SLC24A3: variants seen among roughly 807,000 people sequenced by gnomAD.
SLC24A3 encodes solute carrier family 24 member 3, also known as sodium/potassium/calcium exchanger 3.
SLC24A3 carries 28 observed loss-of-function variants against 75.8 expected under a neutral mutation model. The observed-to-expected ratio is 0.37, with a 90% CI of 0.27 to 0.51. The LOEUF is 0.51. SLC24A3 is among the 20% of genes least tolerant of loss of function. SLC24A3 has a pLI of 0.94. For missense variants in SLC24A3, 663 were observed against 847.8 expected (o/e 0.78, Z 2.71); for synonymous variants, 372 against 334.1 (o/e 1.11, Z -1.24).
intron 2 of SLC24A3, among the ~76,000 whole-genome samples, chr20:19,301,450 A>G (rs73284646): frequency 0.021 from 3,192 of 152,214 alleles, 45 homozygotes; most frequent in African/African-American, 0.034. Context: ...TTTCCTTTGT[A>G]GCATCACCAC....
Position 19,711,293 on chromosome 20 carries a change from G to A in SLC24A3, c.1720-6235G>A, listed in dbSNP as rs573467646. On this transcript the variant is annotated intron_variant, in intron 15 of 16. Transcript: ENST00000328041. Reference sequence around the variant, plus strand: ...CATGCAAACATATGCATGCAAACACGCACACACATGCACACATACAAACGC... The same window carrying A: ...CATGCAAACATATGCATGCAAACACACACACACATGCACACATACAAACGC... Among the ~76,000 whole-genome samples the A allele has an allele frequency of 7.0e-4, 26 of 37,148 alleles. 1 individual carries two copies. The highest frequency in any genetic ancestry group is 5.8e-3 in the South Asian group (4 of 684). The allele number at this position is 37,148 out of a possible 152,430, so 24.4% of individuals were successfully genotyped here. A position where few individuals can be genotyped will look rare whatever the true frequency, so the allele number is the denominator to read the frequency against.
intron 3 of SLC24A3, among the ~76,000 whole-genome samples, chr20:19,537,287 C>G (rs2122582933): frequency 6.6e-6 from 1 of 152,342 alleles, no homozygotes; most frequent in South Asian, 2.1e-4. Context: ...TGCTCATCAT[C>G]ACCGGCCATC....
intron 1 of SLC24A3, among the ~76,000 whole-genome samples, chr20:19,279,851 G>T (rs946752159): frequency 6.6e-6 from 1 of 152,368 alleles, no homozygotes; most frequent in Non-Finnish European, 1.5e-5. Flanking sequence ...GAAGGTGCTA[G>T]AAGCTGCACT....
At chr20:19,642,316 T>C (rs11696909) in intron 6 of SLC24A3, among the ~76,000 whole-genome samples, 7,934 of 152,360 alleles carry the variant, frequency 0.052, 254 homozygotes, top group Non-Finnish European at 0.065. Context: ...AATCTTTTCA[T>C]TCCGAAATCT....
intron 2 of SLC24A3, among the ~76,000 whole-genome samples, chr20:19,363,766 A>G (rs1198962200): frequency 6.6e-6 from 1 of 152,248 alleles, no homozygotes; most frequent in African/African-American, 2.4e-5. Context: ...TGTTTTAAAA[A>G]AGCAAAGGAT....
chr20:19,359,362 G>A (rs1015281477), intron 2 of SLC24A3, among the ~76,000 whole-genome samples: 5 of 152,102 alleles, frequency 3.3e-5, no homozygotes, highest in Non-Finnish European at 7.4e-5. Context: ...TATTTCCTAT[G>A]AATGGCCTGT....
chr20:19,381,346 C>T (rs1041373497), intron 2 of SLC24A3, among the ~76,000 whole-genome samples: 7 of 151,882 alleles, frequency 4.6e-5, no homozygotes, highest in African/African-American at 7.3e-5. Context: ...GTCTGGCAGA[C>T]GGTAATAAGA....
intron 1 of SLC24A3, among the ~76,000 whole-genome samples, chr20:19,214,516 G>T (rs1981500053): frequency 6.6e-6 from 1 of 152,092 alleles, no homozygotes; most frequent in Admixed American, 6.5e-5. Context: ...TTACACGCTG[G>T]CCATTTTTTT....
At chr20:19,445,962 C>T (rs183960846) in intron 2 of SLC24A3, among the ~76,000 whole-genome samples, 11 of 152,280 alleles carry the variant, frequency 7.2e-5, no homozygotes, top group Admixed American at 4.6e-4. Flanking sequence ...TACCAGGTAC[C>T]GGCATCTCAT....
At chr20:19,661,648 C>T (rs1259853684) in intron 7 of SLC24A3, among the ~76,000 whole-genome samples, 1 of 152,160 alleles carries the variant, frequency 6.6e-6, no homozygotes, top group East Asian at 1.9e-4. Flanking sequence ...CTCATGGTGC[C>T]AGTGATTACA....
chr20:19,524,183 C>T (rs954115400), intron 3 of SLC24A3, among the ~76,000 whole-genome samples: 1 of 152,162 alleles, frequency 6.6e-6, no homozygotes, highest in Non-Finnish European at 1.5e-5. Context: ...GACTCACTTC[C>T]CTGCTCCTCT....
At chr20:19,672,682 G>A (rs1411158045) in intron 8 of SLC24A3, among the ~76,000 whole-genome samples, 3 of 152,146 alleles carry the variant, frequency 2.0e-5, no homozygotes, top group African/African-American at 4.8e-5. Context: ...TATCATTTAT[G>A]TACCCAGTGC....
intron 3 of SLC24A3, 61 bp from the exon 4 acceptor site, chr20:19,579,939 C>T (rs781408028): frequency 1.6e-5 from 20 of 1,275,556 alleles, no homozygotes; most frequent in Middle Eastern, 1.9e-4. Context: ...GGTGGCTGGA[C>T]GTTCATCTTC....
chr20:19,404,108 G>A (rs989433827), intron 2 of SLC24A3, among the ~76,000 whole-genome samples: 2 of 152,180 alleles, frequency 1.3e-5, no homozygotes, highest in African/African-American at 4.8e-5. Context: ...TTACTGCAAA[G>A]CAATAATTCT....
intron 2 of SLC24A3, among the ~76,000 whole-genome samples, chr20:19,509,175 G>T (rs1024222207): frequency 2.0e-5 from 3 of 152,196 alleles, no homozygotes; most frequent in African/African-American, 7.2e-5. Context: ...ATCTACAGAT[G>T]AAGGAAATGA....
At chr20:19,543,091 T>G (rs574519492) in intron 3 of SLC24A3, among the ~76,000 whole-genome samples, 1 of 152,226 alleles carries the variant, frequency 6.6e-6, no homozygotes, top group African/African-American at 2.4e-5. Context: ...GATCATGGCC[T>G]TGTCTATTCC....
At chr20:19,308,083 C>T (rs1357227873) in intron 2 of SLC24A3, among the ~76,000 whole-genome samples, 2 of 152,138 alleles carry the variant, frequency 1.3e-5, no homozygotes, top group African/African-American at 4.8e-5. Flanking sequence ...CAAAGAGGGC[C>T]CTTAGAAAAT....
At chr20:19,274,722 T>G (rs1303280692) in intron 1 of SLC24A3, among the ~76,000 whole-genome samples, 4 of 152,118 alleles carry the variant, frequency 2.6e-5, no homozygotes, top group East Asian at 3.9e-4. Context: ...TTCCAAGACT[T>G]CAGGGGGAGG....
intron 6 of SLC24A3, among the ~76,000 whole-genome samples, chr20:19,646,514 T>C (rs1384717976): frequency 3.3e-5 from 5 of 152,240 alleles, no homozygotes; most frequent in Non-Finnish European, 7.3e-5. Flanking sequence ...TAATGTGTAA[T>C]GTTAACAACG....
Sources: allele counts gnomAD v4.1 joint callset (sites outside exome capture counted in the v4.1 genomes callset), GRCh38; gene constraint gnomAD v4.1.1; transcripts MANE v1.5; gene names NCBI Gene and HGNC (gene_info 2026-07-23, HGNC 2026-07-21).